Variants in HIF1A observed in about 807,000 individuals in gnomAD.
The protein encoded by HIF1A is hypoxia-inducible factor 1-alpha.
A neutral mutation model predicts 92.7 loss-of-function variants in HIF1A; 24 were observed. The observed-to-expected ratio is 0.26, with a 90% CI of 0.19 to 0.36. The LOEUF is 0.36. Among genes scored for constraint, HIF1A ranks in the 10% least tolerant of loss-of-function variants. The pLI is 1.00. For missense variants in HIF1A, 799 were observed against 998.5 expected (o/e 0.80, Z 2.69); for synonymous variants, 319 against 338.7 (o/e 0.94, Z 0.64).
At chr14:61,742,950 C>T (rs2044732082) in intron 12 of HIF1A, among the ~76,000 whole-genome samples, 2 of 133,112 alleles carry the variant, frequency 1.5e-5, no homozygotes, top group South Asian at 4.9e-4. Context: ...GTAAAAATGA[C>T]AATCACTTAT....
Position 61,738,166 on chromosome 14 carries a change from A to T in HIF1A, c.1329A>T (p.Leu443Phe). Residue 443 changes from leucine (L) to phenylalanine (F), a missense_variant, in exon 10 of 15, where the codon TTA (leucine) becomes TTT (phenylalanine). Physicochemically the swap from Leu to Phe is conservative, Grantham distance 22. Coordinates refer to ENST00000337138, the MANE Select transcript of HIF1A (RefSeq NM_001530.4). ...DVMLPSPNEK[L>F]QNINLAMSPL... is the part of the protein sequence containing the mutation. Reference sequence around the variant, plus strand: ...TGCTCCCCTCACCCAACGAAAAATTACAGAATATAAATTTGGCAATGTCTC... The same window carrying T: ...TGCTCCCCTCACCCAACGAAAAATTTCAGAATATAAATTTGGCAATGTCTC... 2.5e-6 allele frequency: 4 copies of T among 1,614,160 alleles called. No homozygotes were observed. The highest frequency in any genetic ancestry group is 3.4e-6 in the Non-Finnish European group (4 of 1,180,006).
At chr14:61,696,396 C>G (rs775407050) in intron 1 of HIF1A, among the ~76,000 whole-genome samples, 12 of 152,246 alleles carry the variant, frequency 7.9e-5, no homozygotes, top group African/African-American at 1.2e-4. Flanking sequence ...GCGATCTTGT[C>G]CTGTAGTTGT....
At chr14:61,710,962 G>T (rs2044299154) in intron 1 of HIF1A, among the ~76,000 whole-genome samples, 1 of 150,210 alleles carries the variant, frequency 6.7e-6, no homozygotes, top group Admixed American at 6.7e-5. Flanking sequence ...CAGGAAAATC[G>T]CTTGAACCTG....
chr14:61,721,266 T>TA (rs535384524), intron 2 of HIF1A, among the ~76,000 whole-genome samples: 76 of 152,036 alleles, frequency 5.0e-4, no homozygotes, highest in African/African-American at 1.8e-3. Context: ...AATAAATAAA[T>TA]AAAAAACATT....
At chr14:61,711,281 T>C (rs894786552) in intron 1 of HIF1A, among the ~76,000 whole-genome samples, 9 of 139,650 alleles carry the variant, frequency 6.4e-5, no homozygotes, top group Admixed American at 1.6e-4. Context: ...CACAGCTCAC[T>C]GCAGCCTTGA....
chr14:61,708,057 GTGA>G (rs1348602113), intron 1 of HIF1A, among the ~76,000 whole-genome samples: 1 of 152,190 alleles, frequency 6.6e-6, no homozygotes, highest in Non-Finnish European at 1.5e-5. Flanking sequence ...CTGATGGCCA[GTGA>G]TGATGAGCAT....
intron 7 of HIF1A, 28 bp downstream of exon 7, chr14:61,732,552 A>G (rs2044589156): frequency 7.4e-6 from 10 of 1,352,128 alleles, no homozygotes; most frequent in African/African-American, 1.4e-5. Flanking sequence ...ACTCAGAGAT[A>G]TTCTAATTAC....
chr14:61,714,758 C>T (rs186498837), intron 1 of HIF1A, among the ~76,000 whole-genome samples: 56 of 152,286 alleles, frequency 3.7e-4, no homozygotes, highest in African/African-American at 1.1e-3. Flanking sequence ...AAGGGCCAGG[C>T]GCAGTGGCTC....
intron 4 of HIF1A, among the ~76,000 whole-genome samples, chr14:61,723,615 T>G (rs2044460751): frequency 6.6e-6 from 1 of 152,242 alleles, no homozygotes; most frequent in African/African-American, 2.4e-5. Context: ...AAATATGCTG[T>G]GAACAAGGAC....
intron 5 of HIF1A, 147 bp from the exon 6 acceptor site, chr14:61,727,306 T>C (rs193170162): frequency 2.7e-5 from 17 of 631,314 alleles, no homozygotes; most frequent in Non-Finnish European, 4.2e-5. Context: ...AAAATGTTCA[T>C]TGATTTTCAA....
At chr14:61,698,070 C>A in intron 1 of HIF1A, 1 of 513,878 alleles carries the variant, frequency 1.9e-6, no homozygotes, top group South Asian at 4.7e-5. Context: ...AAGGGAATGT[C>A]AAGAGAGTAA....
chr14:61,745,959 C>T lies in HIF1A; in HGVS notation c.2329+142C>T, dbSNP rs543837278. 1.1e-5 allele frequency: 7 copies of T among 652,950 alleles called. No individual in the cohort carries two copies. In the South Asian group the frequency reaches 1.4e-4, roughly 13 times the overall value. The allele number at this position is 652,950 out of a possible 1,614,324, so 40.4% of individuals were successfully genotyped here. A position where few individuals can be genotyped will look rare whatever the true frequency, so the allele number is the denominator to read the frequency against. ...AAAGTTGTGGCTGGGCGCGGTGGCT[C>T]ACACCTGTAATCCCAGCACTTTGGG... On this transcript the variant is annotated intron_variant, in intron 14 of 14. Coordinates refer to ENST00000337138, the MANE Select transcript of HIF1A (RefSeq NM_001530.4).
At chr14:61,730,704 T>C (rs2044566286) in intron 6 of HIF1A, among the ~76,000 whole-genome samples, 2 of 152,200 alleles carry the variant, frequency 1.3e-5, no homozygotes, top group South Asian at 4.1e-4. Flanking sequence ...ATCACATTAT[T>C]TCCTAAGTAG....
intron 1 of HIF1A, among the ~76,000 whole-genome samples, chr14:61,700,753 T>A (rs2044168365): frequency 6.6e-6 from 1 of 152,248 alleles, no homozygotes; most frequent in Non-Finnish European, 1.5e-5. Context: ...CCACCAACAG[T>A]GCACAAGGGT....
chr14:61,719,919 T>C (rs2044406445), intron 1 of HIF1A, among the ~76,000 whole-genome samples: 1 of 152,186 alleles, frequency 6.6e-6, no homozygotes, highest in South Asian at 2.1e-4. Flanking sequence ...AGAAATCAGT[T>C]TGTAGCTATT....
chr14:61,736,828 C>A, intron 8 of HIF1A, 61 bp from the exon 9 acceptor site: 1 of 1,157,994 alleles, frequency 8.6e-7, no homozygotes, highest in Non-Finnish European at 1.3e-6. Flanking sequence ...TTCACAGTCT[C>A]CCTTCCCCTC....
intron 1 of HIF1A, among the ~76,000 whole-genome samples, chr14:61,702,571 C>T (rs1159989303): frequency 6.6e-6 from 1 of 151,664 alleles, no homozygotes; most frequent in Non-Finnish European, 1.5e-5. Flanking sequence ...AATTCTATTA[C>T]TTTATAGTAA....
intron 12 of HIF1A, among the ~76,000 whole-genome samples, chr14:61,742,430 A>T (rs569774589): frequency 7.2e-5 from 11 of 152,102 alleles, no homozygotes; most frequent in Non-Finnish European, 1.6e-4. Context: ...TGGAAAAGAC[A>T]TTGGGGCTTT....
chr14:61,722,721 G>A (rs1008071888), intron 4 of HIF1A, among the ~76,000 whole-genome samples: 1 of 152,280 alleles, frequency 6.6e-6, no homozygotes, highest in South Asian at 2.1e-4. Context: ...TCAATAATTC[G>A]AGACCGTGTA....
Sources: gnomAD v4.1 joint callset for allele counts (sites outside exome capture counted in the v4.1 genomes callset) on GRCh38, gnomAD v4.1.1 for gene constraint, MANE v1.5 for transcripts, NCBI Gene and HGNC (gene_info 2026-07-23, HGNC 2026-07-21) for gene names.